Variants in MACROD2 observed in about 807,000 individuals in gnomAD.
MACROD2 encodes the protein ADP-ribose glycohydrolase MACROD2.
A neutral mutation model predicts 70.4 loss-of-function variants in MACROD2; 36 were observed. The observed-to-expected ratio is 0.51, with a 90% confidence interval of 0.39 to 0.68. The LOEUF (loss-of-function observed/expected upper bound fraction) is 0.68, where lower values mean the gene tolerates loss of function less well. Ranked by LOEUF, MACROD2 falls within the 30% of genes least tolerant of loss-of-function variation. The probability of loss-of-function intolerance (pLI) is 0.00; values close to 1 mark genes in which losing one functional copy is unlikely to be tolerated. For synonymous variants in MACROD2, 172 were observed against 178.8 expected, an observed-to-expected ratio of 0.96 and a Z score of 0.30; for missense variants, 496 against 538.4, an observed-to-expected ratio of 0.92 and a Z score of 0.78.
At chr20:15,192,127 C>A (rs191116491) in intron 5 of MACROD2, among the ~76,000 whole-genome samples, 43 of 151,536 alleles carry the variant, frequency 2.8e-4, no homozygotes, top group Admixed American at 2.4e-3. Flanking sequence ...AATATTAATC[C>A]TCTCTTCCCT....
At chr20:15,724,937 C>T (rs1378884597) in intron 8 of MACROD2, among the ~76,000 whole-genome samples, 1 of 152,010 alleles carries the variant, frequency 6.6e-6, no homozygotes, top group Non-Finnish European at 1.5e-5. Flanking sequence ...AAAAAATTAG[C>T]CGGGTATGGT....
At chr20:15,699,255 C>G (rs932353433) in intron 8 of MACROD2, among the ~76,000 whole-genome samples, 2 of 152,076 alleles carry the variant, frequency 1.3e-5, no homozygotes, top group African/African-American at 4.8e-5. Context: ...CATATTTTTT[C>G]GTCCCATGGG....
intron 3 of MACROD2, among the ~76,000 whole-genome samples, chr20:14,467,498 C>T (rs1229967522): frequency 6.6e-6 from 1 of 152,060 alleles, no homozygotes; most frequent in African/African-American, 2.4e-5. Flanking sequence ...TGAGGCGATG[C>T]CTCTCCCTGC....
chr20:14,670,056 A>G (rs1008382559), intron 4 of MACROD2, among the ~76,000 whole-genome samples: 1 of 151,934 alleles, frequency 6.6e-6, no homozygotes. Flanking sequence ...TTTTCAAGTA[A>G]ATTTCCCAGT....
intron 3 of MACROD2, among the ~76,000 whole-genome samples, chr20:14,218,791 A>C (rs1450420373): frequency 1.3e-5 from 2 of 152,106 alleles, no homozygotes; most frequent in African/African-American, 4.8e-5. Context: ...TTCATATATG[A>C]TGGTTAGTTT....
At position 14,880,205 on chromosome 20, in the gene MACROD2, G is replaced by A. The variant is rs75984581; in HGVS notation, c.418+195246G>A. On this transcript the variant is annotated intron_variant, in intron 5 of 17. Transcript: ENST00000684519. The stretch of plus-strand genomic sequence containing the variant: ...TTGTTGCCATCATGAGAAAAGATAC[G>A]TATGTCCACAGTTTTGGGGAGAGGG... Among the ~76,000 whole-genome samples, 782 of 152,214 alleles carry A rather than the reference G, an allele frequency of 5.1e-3. 10 individuals are homozygous for A. Among genetic ancestry groups the A allele is most frequent in the African/African-American group, 0.018 (738 of 41,536 alleles).
chr20:14,502,742 C>G (rs1489628917), intron 4 of MACROD2, among the ~76,000 whole-genome samples: 2 of 152,140 alleles, frequency 1.3e-5, no homozygotes, highest in Non-Finnish European at 2.9e-5. Flanking sequence ...TGTTGGATAA[C>G]ACAAATCCAG....
In MACROD2 at chr20:14,615,345, G is replaced by A. The variant is rs79276517; in HGVS notation, c.302-69498G>A. Among the ~76,000 whole-genome samples the A allele has an allele frequency of 5.6e-4, 85 of 152,120 alleles. No homozygotes were observed. The East Asian group carries it at 0.015, about 27-fold the overall frequency. On this transcript the variant is annotated intron_variant, in intron 4 of 17. Transcript: ENST00000684519. ...TTCATTCCTAAAGGAGGATTCGAGT[G>A]GAGTGTCACCGCGTCCATCACATGC...
intron 3 of MACROD2, among the ~76,000 whole-genome samples, chr20:14,246,332 T>G (rs2081968006): frequency 6.6e-6 from 1 of 152,198 alleles, no homozygotes; most frequent in Non-Finnish European, 1.5e-5. Flanking sequence ...TGTAGTACTT[T>G]GATGTAGTAT....
intron 10 of MACROD2, among the ~76,000 whole-genome samples, chr20:15,907,352 C>T (rs2042983802): frequency 6.6e-6 from 1 of 152,194 alleles, no homozygotes; most frequent in Non-Finnish European, 1.5e-5. Context: ...TTCTTATAGA[C>T]CTTCCATTAT....
intron 5 of MACROD2, among the ~76,000 whole-genome samples, chr20:14,909,732 A>G (rs1171768761): frequency 1.3e-5 from 2 of 152,066 alleles, no homozygotes; most frequent in East Asian, 1.9e-4. Flanking sequence ...CACTGCTTCT[A>G]CCTATCTGAA....
At chr20:15,751,317 A>C (rs1346403656) in intron 8 of MACROD2, among the ~76,000 whole-genome samples, 2 of 152,080 alleles carry the variant, frequency 1.3e-5, no homozygotes, top group Non-Finnish European at 2.9e-5. Context: ...AACATGATTC[A>C]GGTACTAATG....
At chr20:15,539,878 C>G (rs2047931041) in intron 8 of MACROD2, among the ~76,000 whole-genome samples, 1 of 152,174 alleles carries the variant, frequency 6.6e-6, no homozygotes, top group South Asian at 2.1e-4. Flanking sequence ...GTCCCAGCTA[C>G]TTGGGAGACT....
At chr20:15,911,436 G>A (rs1430169446) in intron 10 of MACROD2, among the ~76,000 whole-genome samples, 1 of 152,156 alleles carries the variant, frequency 6.6e-6, no homozygotes, top group African/African-American at 2.4e-5. Context: ...CTGTAAATTC[G>A]TTATCAATTT....
At chr20:14,199,019 CCTTCCTTCCTTT>C (rs1363746774) in intron 3 of MACROD2, among the ~76,000 whole-genome samples, 3 of 151,952 alleles carry the variant, frequency 2.0e-5, no homozygotes, top group Non-Finnish European at 2.9e-5. Flanking sequence ...GTCCTCCCTC[CCTTCCTTCCTTT>C]CTTCCTTCCT....
At chr20:15,865,780 G>T (rs2064484195) in intron 9 of MACROD2, among the ~76,000 whole-genome samples, 1 of 152,190 alleles carries the variant, frequency 6.6e-6, no homozygotes, top group South Asian at 2.1e-4. Flanking sequence ...AAGCCTGGAG[G>T]TGGCAGGGAG....
At chr20:14,086,978 G>T (rs1480513823) in intron 3 of MACROD2, among the ~76,000 whole-genome samples, 1 of 152,208 alleles carries the variant, frequency 6.6e-6, no homozygotes, top group African/African-American at 2.4e-5. Context: ...GTAGGAAAGT[G>T]CATTGGCAGG....
chr20:15,017,389 C>T (rs970440223), intron 5 of MACROD2, among the ~76,000 whole-genome samples: 1 of 152,210 alleles, frequency 6.6e-6, no homozygotes, highest in African/African-American at 2.4e-5. Context: ...GGCAGCTCCA[C>T]CCCTGTGGCT....
intron 4 of MACROD2, among the ~76,000 whole-genome samples, chr20:14,620,786 A>G (rs147442342): frequency 6.6e-6 from 1 of 152,184 alleles, no homozygotes; most frequent in East Asian, 1.9e-4. Context: ...CGGAGAGCAC[A>G]TGATTTTCAT....
Sources: gnomAD v4.1 joint callset for allele counts (sites outside exome capture counted in the v4.1 genomes callset) on GRCh38, gnomAD v4.1.1 for gene constraint, MANE v1.5 for transcripts, NCBI Gene and HGNC (gene_info 2026-07-23, HGNC 2026-07-21) for gene names.